SNTG1: variants seen among roughly 807,000 people sequenced by gnomAD.
SNTG1 encodes syntrophin gamma 1.
Under a neutral mutation model 74.7 loss-of-function variants are expected in SNTG1, and 39 were observed. The ratio of observed to expected loss-of-function variants is 0.52; its 90% CI spans 0.40 to 0.68. The LOEUF is 0.68. Ranked by LOEUF, SNTG1 falls within the 30% of genes least tolerant of loss-of-function variation. The pLI, the probability that SNTG1 is intolerant of heterozygous loss-of-function variation, is 0.00. For missense variants in SNTG1, 685 were observed against 609.5 expected (o/e 1.12, Z -1.30); for synonymous variants, 254 against 217.1 (o/e 1.17, Z -1.49).
chr8:50,106,453 T>C (rs989731808), intron 1 of SNTG1, among the ~76,000 whole-genome samples: 9 of 152,122 alleles, frequency 5.9e-5, no homozygotes, highest in Admixed American at 3.9e-4. Flanking sequence ...CTATGTTGAA[T>C]AGGAATAGTG....
intron 1 of SNTG1, among the ~76,000 whole-genome samples, chr8:49,973,408 A>G (rs1481933147): frequency 6.6e-6 from 1 of 152,038 alleles, no homozygotes; most frequent in East Asian, 1.9e-4. Context: ...GATATACCTA[A>G]TGTTAAATGA....
intron 1 of SNTG1, among the ~76,000 whole-genome samples, chr8:50,161,635 G>A (rs544386655): frequency 6.6e-6 from 1 of 152,086 alleles, no homozygotes; most frequent in African/African-American, 2.4e-5. Context: ...GGAGTTCAGA[G>A]AAATCTCTGG....
intron 2 of SNTG1, among the ~76,000 whole-genome samples, chr8:50,184,975 T>G (rs919607571): frequency 1.3e-5 from 2 of 152,208 alleles, no homozygotes; most frequent in Non-Finnish European, 2.9e-5. Flanking sequence ...AAGAAAAATT[T>G]GAGATTCTTC....
intron 8 of SNTG1, among the ~76,000 whole-genome samples, chr8:50,470,206 A>G (rs2093640717): frequency 1.3e-5 from 2 of 152,232 alleles, no homozygotes; most frequent in Admixed American, 1.3e-4. Flanking sequence ...ACAAAGCAAC[A>G]AAGTTTAGCC....
At chr8:50,405,971 TTTTG>T (rs1280020701) in intron 4 of SNTG1, among the ~76,000 whole-genome samples, 1 of 152,118 alleles carries the variant, frequency 6.6e-6, no homozygotes, top group Non-Finnish European at 1.5e-5. Context: ...CAGTTATGCC[TTTTG>T]TTTGTTTGTT....
At chr8:50,649,826 A>G (rs1421181462) in intron 13 of SNTG1, among the ~76,000 whole-genome samples, 2 of 151,858 alleles carry the variant, frequency 1.3e-5, no homozygotes, top group Non-Finnish European at 2.9e-5. Context: ...TAGGTTACTC[A>G]GTAATATAAT....
chr8:50,585,583 T>A (rs2130846129), intron 12 of SNTG1, among the ~76,000 whole-genome samples: 1 of 152,284 alleles, frequency 6.6e-6, no homozygotes, highest in South Asian at 2.1e-4. Flanking sequence ...CTTAAAATGA[T>A]GCAGAGAATT....
rs374797991 is a variant in SNTG1 at position 49,942,801 on chromosome 8, G to A, written c.-103+30570G>A. On this transcript the variant is annotated intron_variant, in intron 1 of 18. Coordinates refer to ENST00000642720, the MANE Select transcript of SNTG1 (RefSeq NM_018967.5). ...TTTCATTGCATCCTGTCAACACAAC[G>A]TATCACCGTTGATGTGGACTTCAGT... 2.2e-3 allele frequency among the ~76,000 whole-genome samples: 329 copies of A among 152,224 alleles called. 2 individuals carry two copies. Among genetic ancestry groups the A allele is most frequent in the African/African-American group, 6.4e-3 (266 of 41,534 alleles).
Position 50,585,384 on chromosome 8 carries a change from T to G in SNTG1, c.811-5495T>G, listed in dbSNP as rs370830805. 8.5e-5 allele frequency among the ~76,000 whole-genome samples: 13 copies of G among 152,164 alleles called. 1 individual carries two copies. Among genetic ancestry groups the G allele is most frequent in the African/African-American group, 2.9e-4 (12 of 41,442 alleles). On this transcript the variant is annotated intron_variant, in intron 12 of 18. Coordinates refer to ENST00000642720, the MANE Select transcript of SNTG1 (RefSeq NM_018967.5). ...CCGGTTTTGTGATACGGACAGAAATTATGTCCTTTGATCTCTAAAAGCCTT... is the reference window on the plus strand; with the variant it reads ...CCGGTTTTGTGATACGGACAGAAATGATGTCCTTTGATCTCTAAAAGCCTT...
chr8:50,128,394 G>A (rs1337275988), intron 1 of SNTG1, among the ~76,000 whole-genome samples: 1 of 152,136 alleles, frequency 6.6e-6, no homozygotes, highest in Admixed American at 6.6e-5. Flanking sequence ...GAAAGAGCCT[G>A]TAGAAATTTA....
chr8:50,432,308 A>G (rs2093246840), intron 4 of SNTG1, among the ~76,000 whole-genome samples: 1 of 151,952 alleles, frequency 6.6e-6, no homozygotes, highest in African/African-American at 2.4e-5. Flanking sequence ...TTCTTTTGTC[A>G]AATATTAGTT....
At chr8:50,434,189 T>G (rs1285743892) in intron 4 of SNTG1, among the ~76,000 whole-genome samples, 2 of 152,144 alleles carry the variant, frequency 1.3e-5, no homozygotes, top group Non-Finnish European at 2.9e-5. Flanking sequence ...GGTTTCCAGC[T>G]TTATCCATTT....
At chr8:50,416,801 G>T (rs1445558656) in intron 4 of SNTG1, among the ~76,000 whole-genome samples, 1 of 152,032 alleles carries the variant, frequency 6.6e-6, no homozygotes, top group Non-Finnish European at 1.5e-5. Context: ...GTCCATAATA[G>T]AGTGATAGCC....
At chr8:50,739,791 G>A (rs2095538520) in intron 17 of SNTG1, among the ~76,000 whole-genome samples, 1 of 151,988 alleles carries the variant, frequency 6.6e-6, no homozygotes, top group Admixed American at 6.6e-5. Context: ...TATACCAGTG[G>A]AACAGAATGG....
At chr8:50,438,224 A>G (rs1159417359) in intron 4 of SNTG1, among the ~76,000 whole-genome samples, 2 of 152,182 alleles carry the variant, frequency 1.3e-5, no homozygotes, top group African/African-American at 2.4e-5. Context: ...AAATAAGAAT[A>G]CGTAATGTGG....
chr8:50,418,893 G>T (rs946745573), intron 4 of SNTG1, among the ~76,000 whole-genome samples: 4 of 152,012 alleles, frequency 2.6e-5, no homozygotes, highest in Non-Finnish European at 5.9e-5. Context: ...AATCATGTTA[G>T]CTTTCTGTCA....
intron 1 of SNTG1, among the ~76,000 whole-genome samples, chr8:50,142,196 A>T (rs1024817892): frequency 5.3e-5 from 8 of 152,148 alleles, no homozygotes; most frequent in Non-Finnish European, 1.0e-4. Flanking sequence ...GCCAGAAAAC[A>T]TACATTTCTT....
chr8:50,463,101 C>T (rs886929793), intron 8 of SNTG1, among the ~76,000 whole-genome samples: 2 of 152,138 alleles, frequency 1.3e-5, no homozygotes, highest in Non-Finnish European at 2.9e-5. Context: ...AGGCGTAAGC[C>T]ACCACGTCCA....
At chr8:50,300,123 T>A (rs1458071165) in intron 2 of SNTG1, among the ~76,000 whole-genome samples, 3 of 152,160 alleles carry the variant, frequency 2.0e-5, no homozygotes, top group Non-Finnish European at 4.4e-5. Flanking sequence ...AGTCCAATAA[T>A]CTGCCCAAGT....
Sources: gnomAD v4.1 joint callset for allele counts (sites outside exome capture counted in the v4.1 genomes callset) on GRCh38, gnomAD v4.1.1 for gene constraint, MANE v1.5 for transcripts, NCBI Gene and HGNC (gene_info 2026-07-23, HGNC 2026-07-21) for gene names.